Variants in CNTNAP4 observed in about 807,000 individuals in gnomAD.
CNTNAP4 encodes the protein contactin-associated protein-like 4.
CNTNAP4 carries 98 observed loss-of-function variants against 148.4 expected under a neutral mutation model. The ratio of observed to expected loss-of-function variants is 0.66; its 90% CI spans 0.56 to 0.78. The LOEUF (loss-of-function observed/expected upper bound fraction) is 0.78, where lower values mean the gene tolerates loss of function less well. CNTNAP4 is among the 30% of genes least tolerant of loss of function. The probability of loss-of-function intolerance (pLI) is 0.00; values close to 1 mark genes in which losing one functional copy is unlikely to be tolerated. For synonymous variants in CNTNAP4, 730 were observed against 565.1 expected (o/e 1.29, Z -4.14); for missense variants, 1,935 against 1,565.6 (o/e 1.24, Z -3.98).
chr16:76,520,412 C>G (rs904147183), intron 15 of CNTNAP4, among the ~76,000 whole-genome samples: 1 of 152,088 alleles, frequency 6.6e-6, no homozygotes, highest in Non-Finnish European at 1.5e-5. Flanking sequence ...ACATTTTTTT[C>G]AGATCTCTTA....
At chr16:76,337,764 G>C (rs1194531817) in intron 2 of CNTNAP4, among the ~76,000 whole-genome samples, 1 of 152,122 alleles carries the variant, frequency 6.6e-6, no homozygotes, top group Non-Finnish European at 1.5e-5. Context: ...TCCCAGAGCA[G>C]CCGTCCATAG....
chr16:76,550,001 T>C (rs1445671933), intron 21 of CNTNAP4, among the ~76,000 whole-genome samples: 1 of 152,134 alleles, frequency 6.6e-6, no homozygotes, highest in Admixed American at 6.6e-5. Flanking sequence ...GATACACACT[T>C]AGGGACAATC....
chr16:76,361,783 A>C (rs148710637), intron 3 of CNTNAP4, among the ~76,000 whole-genome samples: 1 of 152,092 alleles, frequency 6.6e-6, no homozygotes, highest in East Asian at 1.9e-4. Context: ...ATTTCTACCA[A>C]CTATGTACTA....
chr16:76,306,249 G>A (rs145833235), intron 1 of CNTNAP4, among the ~76,000 whole-genome samples: 1 of 152,274 alleles, frequency 6.6e-6, no homozygotes, highest in Non-Finnish European at 1.5e-5. Flanking sequence ...TTTCTACAGT[G>A]GCTGAACCCA....
At chr16:76,525,492 T>G (rs1167709331) in intron 17 of CNTNAP4, among the ~76,000 whole-genome samples, 2 of 148,022 alleles carry the variant, frequency 1.4e-5, no homozygotes, top group Admixed American at 6.8e-5. Flanking sequence ...TATATAACTA[T>G]ATATAGTTTT....
At chr16:76,407,563 C>T (rs958830976) in intron 3 of CNTNAP4, among the ~76,000 whole-genome samples, 4 of 152,002 alleles carry the variant, frequency 2.6e-5, no homozygotes, top group Non-Finnish European at 5.9e-5. Context: ...GAGGAAGGAA[C>T]TGCGGATGTG....
chr16:76,365,802 A>G (rs2014053440), intron 3 of CNTNAP4, among the ~76,000 whole-genome samples: 1 of 150,548 alleles, frequency 6.6e-6, no homozygotes, highest in Admixed American at 6.6e-5. Flanking sequence ...ATTACTTTTT[A>G]TAAAGGTAAT....
chr16:76,339,862 T>G (rs555023010), intron 2 of CNTNAP4, among the ~76,000 whole-genome samples: 5 of 152,198 alleles, frequency 3.3e-5, no homozygotes, highest in African/African-American at 9.6e-5. Context: ...AGCTATTAAT[T>G]TAACAAACAA....
In CNTNAP4 at chr16:76,498,574, G is replaced by T; in HGVS notation, c.2245G>T (p.Asp749Tyr). 6.2e-7 allele frequency: 1 copy of T among 1,609,942 alleles called. No homozygotes were observed. The highest frequency in any genetic ancestry group is 1.1e-5 in the South Asian group (1 of 89,810). The change falls in exon 15 of 24, where the codon GAC becomes TAC. Residue 749 changes from aspartate (D) to tyrosine (Y), a missense_variant. Physicochemically the swap from Asp to Tyr is radical, Grantham distance 160 (BLOSUM62 -3). Transcript: ENST00000611870. ...CDADRNEWTN[D>Y]TGLLAYKEHL... The stretch of plus-strand genomic sequence containing the variant: ...GTTGCTATTGTTTTTTAGGACCAAT[G>T]ACACTGGATTGCTTGCTTATAAAGA...
chr16:76,520,688 T>C, intron 15 of CNTNAP4, among the ~76,000 whole-genome samples: 1 of 152,168 alleles, frequency 6.6e-6, no homozygotes, highest in East Asian at 1.9e-4. Context: ...TGTAACTCTG[T>C]GAAGTGTGTG....
Position 76,448,898 on chromosome 16 carries a change from A to C in CNTNAP4, c.874A>C (p.Arg292=), listed in dbSNP as rs745795814. ...AGTCAACTTCACAGTGGACGAACACAGGCATCATTTCCATGCACGGGGAGA... is the reference window on the plus strand; with the variant it reads ...AGTCAACTTCACAGTGGACGAACACCGGCATCATTTCCATGCACGGGGAGA... ...KQVNFTVDEH[R]HHFHARGEFN... The change falls in exon 6 of 24, where the codon AGG becomes CGG. Residue 292 remains arginine, a synonymous_variant. Transcript: ENST00000611870. The C allele has an allele frequency of 5.6e-6, 9 of 1,613,718 alleles. No homozygotes were observed. Among genetic ancestry groups the C allele is most frequent in the Non-Finnish European group, 7.6e-6 (9 of 1,179,876 alleles).
intron 15 of CNTNAP4, among the ~76,000 whole-genome samples, chr16:76,504,660 G>A (rs1207810704): frequency 6.6e-6 from 1 of 152,006 alleles, no homozygotes; most frequent in Non-Finnish European, 1.5e-5. Context: ...TGACACTGTC[G>A]AGAAATTGAA....
intron 3 of CNTNAP4, among the ~76,000 whole-genome samples, chr16:76,404,867 T>C (rs570954638): frequency 1.3e-5 from 2 of 152,234 alleles, no homozygotes; most frequent in African/African-American, 4.8e-5. Flanking sequence ...TAAAATAATA[T>C]ATTTTTAATA....
At chr16:76,408,841 A>C (rs968137589) in intron 3 of CNTNAP4, among the ~76,000 whole-genome samples, 1 of 152,030 alleles carries the variant, frequency 6.6e-6, no homozygotes, top group Non-Finnish European at 1.5e-5. Context: ...CCATTCTCTG[A>C]ACATGTTCTC....
chr16:76,416,522 A>G (rs1203041204), intron 3 of CNTNAP4, among the ~76,000 whole-genome samples: 2 of 150,972 alleles, frequency 1.3e-5, no homozygotes, highest in African/African-American at 2.4e-5. Context: ...TTTAACTTGA[A>G]TTTTTTTCAG....
At chr16:76,419,291 C>A (rs2079097463) in intron 3 of CNTNAP4, among the ~76,000 whole-genome samples, 1 of 151,906 alleles carries the variant, frequency 6.6e-6, no homozygotes, top group Non-Finnish European at 1.5e-5. Flanking sequence ...GTACTGCCCC[C>A]CAGTTGGGAG....
intron 2 of CNTNAP4, among the ~76,000 whole-genome samples, chr16:76,327,477 C>T (rs951184672): frequency 2.6e-5 from 4 of 152,142 alleles, no homozygotes; most frequent in African/African-American, 9.6e-5. Flanking sequence ...GGGTTGATAC[C>T]ATGTCTTTGC....
At chr16:76,306,809 G>T (rs1234107769) in intron 1 of CNTNAP4, among the ~76,000 whole-genome samples, 1 of 152,186 alleles carries the variant, frequency 6.6e-6, no homozygotes, top group Non-Finnish European at 1.5e-5. Context: ...TACCTACTCT[G>T]TACTTTTTAA....
chr16:76,463,013 C>T (rs956286679), intron 9 of CNTNAP4, among the ~76,000 whole-genome samples: 3 of 152,086 alleles, frequency 2.0e-5, no homozygotes, highest in Admixed American at 6.5e-5. Flanking sequence ...TTATAGGATT[C>T]TAAAAGCAAA....
Sources: gnomAD v4.1 joint callset for allele counts (sites outside exome capture counted in the v4.1 genomes callset) on GRCh38, gnomAD v4.1.1 for gene constraint, MANE v1.5 for transcripts, NCBI Gene and HGNC (gene_info 2026-07-23, HGNC 2026-07-21) for gene names.